PIAS1: variants seen among roughly 807,000 people sequenced by gnomAD.
The protein encoded by PIAS1 is E3 SUMO-protein ligase PIAS1.
Under a neutral mutation model 71.3 loss-of-function variants are expected in PIAS1, and 6 were observed. The ratio of observed to expected loss-of-function variants is 0.08; its 90% confidence interval spans 0.05 to 0.17. The LOEUF is 0.17. Among genes scored for constraint, PIAS1 ranks in the 10% least tolerant of loss-of-function variants. The probability of loss-of-function intolerance (pLI) is 1.00; values close to 1 mark genes in which losing one functional copy is unlikely to be tolerated. For missense variants in PIAS1, 555 were observed against 793.6 expected, an observed-to-expected ratio of 0.70 and a Z score of 3.61; for synonymous variants, 303 against 292.9, an observed-to-expected ratio of 1.03 and a Z score of -0.35.
intron 7 of PIAS1, among the ~76,000 whole-genome samples, chr15:68,156,407 G>C (rs1413288833): frequency 2.0e-5 from 3 of 152,062 alleles, no homozygotes; most frequent in African/African-American, 7.2e-5. Context: ...AGCTGGAATA[G>C]AGAGAGCCAA....
intron 2 of PIAS1, among the ~76,000 whole-genome samples, chr15:68,124,406 G>GTTTTTTTTTTTTT (rs553374128): frequency 7.0e-6 from 1 of 143,198 alleles, no homozygotes; most frequent in Non-Finnish European, 1.5e-5. Context: ...GTTGTTTTTT[G>GTTTTTTTTTTTTT]TTTTTTTTTT....
intron 2 of PIAS1, among the ~76,000 whole-genome samples, chr15:68,125,513 G>A (rs970669202): frequency 1.3e-5 from 2 of 152,098 alleles, no homozygotes; most frequent in Middle Eastern, 3.4e-3. Context: ...CTGCATGGAA[G>A]GTAATTTTTT....
At position 68,187,124 on chromosome 15, in the gene PIAS1, T is replaced by C. The variant is rs2093093099; in HGVS notation, c.1663-418T>C. ...GAGTGTATAATAAGAACAGTGTCTG[T>C]TGGTTTCCAGTACTGTTTTATAAAG... On this transcript the variant is annotated intron_variant, in intron 13 of 13. Coordinates refer to ENST00000249636, the MANE Select transcript of PIAS1 (RefSeq NM_016166.3). The surrounding 1 kb of genome is among the most constrained non-coding windows in gnomAD (Gnocchi z 5.3). 6.6e-6 allele frequency among the ~76,000 whole-genome samples: 1 copy of C among 152,162 alleles called. No homozygotes were observed. The highest frequency in any genetic ancestry group is 2.4e-5 in the African/African-American group (1 of 41,436).
chr15:68,179,048 C>T (rs1262874833), intron 11 of PIAS1, among the ~76,000 whole-genome samples: 1 of 152,176 alleles, frequency 6.6e-6, no homozygotes, highest in African/African-American at 2.4e-5. Context: ...TGAAAGTTTA[C>T]ATCCTTAGAA....
chr15:68,057,884 T>C (rs1179065811), intron 1 of PIAS1, among the ~76,000 whole-genome samples: 1 of 152,216 alleles, frequency 6.6e-6, no homozygotes, highest in East Asian at 1.9e-4. Context: ...CCTCCTTCTT[T>C]TCATCCACCG....
chr15:68,180,646 C>A (rs986605914), intron 11 of PIAS1, among the ~76,000 whole-genome samples: 1 of 152,116 alleles, frequency 6.6e-6, no homozygotes, highest in Non-Finnish European at 1.5e-5. Flanking sequence ...TTTATGCAAA[C>A]AATGTGCTGA....
rs1400834044 is a variant in PIAS1 at position 68,178,954 on chromosome 15, T to G, written c.1482-2258T>G. Among the ~76,000 whole-genome samples the G allele has an allele frequency of 6.6e-6, 1 of 152,194 alleles. No individual in the cohort carries two copies. Among genetic ancestry groups the G allele is most frequent in the Non-Finnish European group, 1.5e-5 (1 of 68,022 alleles). On this transcript the variant is annotated intron_variant, in intron 11 of 13. Transcript: ENST00000249636. This position sits in a 1 kb window ranked among gnomAD's most constrained non-coding sequence, Gnocchi z 4.2. ...TAAATGCATTAAGTACTTCCTGAATTTCCCAGTGACTAATTGAACCCAGCT... is the reference window on the plus strand; with the variant it reads ...TAAATGCATTAAGTACTTCCTGAATGTCCCAGTGACTAATTGAACCCAGCT...
At chr15:68,181,137 A>C in intron 11 of PIAS1, 75 bp from the exon 12 acceptor site, 1 of 1,326,910 alleles carries the variant, frequency 7.5e-7, no homozygotes, top group South Asian at 1.3e-5. Flanking sequence ...TCATTGTGAG[A>C]TACAACCCCT....
At chr15:68,066,868 A>G (rs1380383885) in intron 1 of PIAS1, among the ~76,000 whole-genome samples, 1 of 152,210 alleles carries the variant, frequency 6.6e-6, no homozygotes, top group Non-Finnish European at 1.5e-5. Flanking sequence ...TAGAATTGCC[A>G]TTAGTCTTCA....
At chr15:68,104,573 A>T (rs1404431988) in intron 2 of PIAS1, among the ~76,000 whole-genome samples, 1 of 152,112 alleles carries the variant, frequency 6.6e-6, no homozygotes, top group Non-Finnish European at 1.5e-5. Context: ...GTTCTCACTT[A>T]TATGTGGGAG....
chr15:68,100,083 C>G (rs1369336238), intron 2 of PIAS1, among the ~76,000 whole-genome samples: 1 of 136,796 alleles, frequency 7.3e-6, no homozygotes, highest in Non-Finnish European at 1.5e-5. Context: ...CAGTCTGTAG[C>G]TTGTATTTCT....
At chr15:68,056,341 GA>G (rs2091895870) in intron 1 of PIAS1, among the ~76,000 whole-genome samples, 2 of 152,322 alleles carry the variant, frequency 1.3e-5, no homozygotes, top group African/African-American at 4.8e-5. Flanking sequence ...CTCATTTTAA[GA>G]AAGTGCCTTT....
intron 1 of PIAS1, among the ~76,000 whole-genome samples, chr15:68,067,986 A>G (rs563837403): frequency 6.6e-5 from 10 of 152,354 alleles, no homozygotes; most frequent in Middle Eastern, 3.4e-3. Flanking sequence ...AATATTTTAT[A>G]TCATAGTCTT....
intron 11 of PIAS1, 92 bp from the exon 12 acceptor site, chr15:68,181,120 C>A: frequency 9.7e-7 from 1 of 1,026,490 alleles, no homozygotes; most frequent in Non-Finnish European, 1.5e-6. Context: ...AGCACTAAAC[C>A]GAGGGTTCAT....
intron 1 of PIAS1, among the ~76,000 whole-genome samples, chr15:68,079,609 G>A (rs2092207328): frequency 6.6e-6 from 1 of 152,028 alleles, no homozygotes; most frequent in Non-Finnish European, 1.5e-5. Context: ...TGGGTCTGTA[G>A]GTGTGTGCCA....
intron 2 of PIAS1, among the ~76,000 whole-genome samples, chr15:68,104,103 T>C (rs1350536329): frequency 6.6e-6 from 1 of 152,206 alleles, no homozygotes; most frequent in East Asian, 1.9e-4. Context: ...ACACTTGTTA[T>C]TATATGCCTT....
chr15:68,145,682 G>A (rs1450743243), intron 4 of PIAS1, 134 bp from the exon 5 acceptor site: 2 of 599,470 alleles, frequency 3.3e-6, no homozygotes, highest in Non-Finnish European at 5.9e-6. Context: ...TTAATAGGGT[G>A]AAAAGTCCAG....
intron 2 of PIAS1, among the ~76,000 whole-genome samples, chr15:68,125,909 A>G (rs1478608476): frequency 6.6e-6 from 1 of 152,042 alleles, no homozygotes; most frequent in Non-Finnish European, 1.5e-5. Flanking sequence ...TGCTGATCTA[A>G]GCTGACCTCA....
At chr15:68,183,756 C>T (rs1161468532) in intron 13 of PIAS1, 89 bp downstream of exon 13, 1 of 594,158 alleles carries the variant, frequency 1.7e-6, no homozygotes, top group Non-Finnish European at 3.1e-6. Context: ...AATGACAGGC[C>T]ATATATGCAT....
Sources: allele counts gnomAD v4.1 joint callset (sites outside exome capture counted in the v4.1 genomes callset), GRCh38; gene constraint gnomAD v4.1.1; non-coding constraint Gnocchi (gnomAD v3.1); transcripts MANE v1.5; gene names NCBI Gene and HGNC (gene_info 2026-07-23, HGNC 2026-07-21).